PTPRN2: variants seen among roughly 807,000 people sequenced by gnomAD.
PTPRN2 encodes the protein receptor-type tyrosine-protein phosphatase N2.
In PTPRN2, 74 loss-of-function variants were observed where a neutral mutation model predicts 118.8. The observed-to-expected ratio is 0.62, with a 90% confidence interval of 0.52 to 0.76. The LOEUF is 0.76. PTPRN2 is among the 30% of genes least tolerant of loss of function. The pLI is 0.00. For missense variants in PTPRN2, 1,481 were observed against 1,394.4 expected (o/e 1.06, Z -0.99); for synonymous variants, 641 against 608.0 (o/e 1.05, Z -0.80).
intron 10 of PTPRN2, among the ~76,000 whole-genome samples, chr7:158,089,847 A>G (rs1453673675): frequency 1.6e-5 from 2 of 121,872 alleles, no homozygotes; most frequent in African/African-American, 5.8e-5. Context: ...CCCTGATGAA[A>G]GAGGGAGTCT....
chr7:158,210,040 G>A (rs1282260406), intron 3 of PTPRN2, among the ~76,000 whole-genome samples: 1 of 151,412 alleles, frequency 6.6e-6, no homozygotes, highest in Non-Finnish European at 1.5e-5. Flanking sequence ...CCTGTGGGAT[G>A]CAGCAAAAGC....
Position 157,629,591 on chromosome 7 carries a change from G to A in PTPRN2, c.2197-8082C>T, listed in dbSNP as rs965685062. 2.0e-5 allele frequency among the ~76,000 whole-genome samples: 3 copies of A among 151,206 alleles called. No homozygotes were observed. Among genetic ancestry groups the A allele is most frequent in the South Asian group, 2.1e-4 (1 of 4,732 alleles). On this transcript the variant is annotated intron_variant, in intron 14 of 22. Transcript: ENST00000389418. This position sits in a 1 kb window ranked among gnomAD's most constrained non-coding sequence, Gnocchi z 4.4. ...TGAGTCCCCACGGATGACTGGAGGC[G>A]CCCATCATCACTCCGTGGGTCTTCG... is the stretch of plus-strand genomic sequence containing the variant.
At chr7:157,949,881 C>T (rs4716510) in intron 11 of PTPRN2, among the ~76,000 whole-genome samples, 79,534 of 152,044 alleles carry the variant, frequency 0.52, 21,681 homozygotes, top group East Asian at 0.66. Flanking sequence ...GGGCAAGTTC[C>T]GAGGCTCCTC....
At chr7:157,946,287 A>G (rs920599967) in intron 11 of PTPRN2, among the ~76,000 whole-genome samples, 1 of 129,238 alleles carries the variant, frequency 7.7e-6, no homozygotes, top group East Asian at 2.0e-4. Context: ...AGAAGACACT[A>G]AAAAAAAAAA....
chr7:158,465,901 C>T (rs112561183), intron 2 of PTPRN2, among the ~76,000 whole-genome samples: 7,705 of 152,246 alleles, frequency 0.051, 239 homozygotes, highest in Non-Finnish European at 0.073. Context: ...CCTGGGGACC[C>T]GCAGTCACAC....
chr7:157,651,257 G>A lies in PTPRN2; in HGVS notation c.2196+5100C>T, dbSNP rs374995562. On this transcript the variant is annotated intron_variant, in intron 14 of 22. Transcript: ENST00000389418. ...TCGTTTTTCACGTCTCTGTCACTGC[G>A]CTTGGTTTTAATGTCGTCATCTGTG... 9.9e-5 allele frequency among the ~76,000 whole-genome samples: 15 copies of A among 152,254 alleles called. 1 individual carries two copies. In the South Asian group the frequency reaches 1.9e-3, roughly 19 times the overall value.
intron 2 of PTPRN2, among the ~76,000 whole-genome samples, chr7:158,373,265 C>T (rs779744315): frequency 1.3e-5 from 2 of 152,216 alleles, no homozygotes; most frequent in Non-Finnish European, 2.9e-5. Context: ...ACCTCGGGGC[C>T]CGGCCTATTC....
chr7:158,539,551 T>C (rs1474858244), intron 1 of PTPRN2: 1 of 158,478 alleles, frequency 6.3e-6, no homozygotes. Context: ...GGTCCTGGTG[T>C]GGGTTCAGCC....
At chr7:158,222,374 C>A (rs1269423137) in intron 3 of PTPRN2, among the ~76,000 whole-genome samples, 4 of 152,154 alleles carry the variant, frequency 2.6e-5, no homozygotes, top group African/African-American at 9.7e-5. Context: ...TACACATACA[C>A]CATGGAATAC....
intron 12 of PTPRN2, among the ~76,000 whole-genome samples, chr7:157,833,531 C>A (rs117357326): frequency 8.0e-6 from 1 of 124,550 alleles, no homozygotes; most frequent in Non-Finnish European, 1.7e-5. Flanking sequence ...TCCTGTATGA[C>A]GGTGAATTTG....
chr7:157,862,264 G>A (rs1810297395), intron 12 of PTPRN2, among the ~76,000 whole-genome samples: 2 of 152,252 alleles, frequency 1.3e-5, no homozygotes, highest in South Asian at 4.1e-4. Flanking sequence ...CTGAGCTGCC[G>A]AGGTCCAGGA....
At chr7:157,842,359 C>A (rs908397303) in intron 12 of PTPRN2, among the ~76,000 whole-genome samples, 7 of 145,600 alleles carry the variant, frequency 4.8e-5, no homozygotes, top group African/African-American at 1.8e-4. Flanking sequence ...ATTTAAAGTG[C>A]AAATGGTACA....
chr7:158,359,285 C>T (rs896773), intron 2 of PTPRN2, among the ~76,000 whole-genome samples: 146,833 of 152,360 alleles, frequency 0.96, 70,810 homozygotes, highest in African/African-American at 0.99. Context: ...CTGATTTGAA[C>T]AGGATCAGAC....
chr7:158,505,902 G>A (rs1822711849), intron 1 of PTPRN2, among the ~76,000 whole-genome samples: 1 of 152,250 alleles, frequency 6.6e-6, no homozygotes, highest in Non-Finnish European at 1.5e-5. Flanking sequence ...AGTGGTGGCT[G>A]TTAACAACAC....
At chr7:158,560,900 G>A (rs1030424373) in intron 1 of PTPRN2, among the ~76,000 whole-genome samples, 4 of 152,242 alleles carry the variant, frequency 2.6e-5, no homozygotes, top group African/African-American at 9.6e-5. Flanking sequence ...TTGCATCGAA[G>A]AGAAATCTTG....
At chr7:157,543,211 G>T (rs1444450141) in intron 22 of PTPRN2, among the ~76,000 whole-genome samples, 2 of 152,232 alleles carry the variant, frequency 1.3e-5, no homozygotes, top group African/African-American at 4.8e-5. Flanking sequence ...GGGGTGCAAA[G>T]CCTCCTGGGT....
At chr7:158,326,727 C>T (rs1459991863) in intron 2 of PTPRN2, among the ~76,000 whole-genome samples, 1 of 150,964 alleles carries the variant, frequency 6.6e-6, no homozygotes, top group Non-Finnish European at 1.5e-5. Context: ...CACATGCATA[C>T]ATTCTCACAC....
intron 11 of PTPRN2, among the ~76,000 whole-genome samples, chr7:157,920,344 G>T (rs757628141): frequency 3.9e-5 from 6 of 152,156 alleles, no homozygotes; most frequent in African/African-American, 1.4e-4. Flanking sequence ...AAACTTTGAG[G>T]AATAAAAGAT....
intron 10 of PTPRN2, among the ~76,000 whole-genome samples, chr7:158,106,939 G>C (rs949670491): frequency 1.1e-4 from 16 of 152,174 alleles, no homozygotes; most frequent in African/African-American, 3.9e-4. Context: ...AGCTCTTTCA[G>C]GTCTTGGGAG....
Sources: allele counts gnomAD v4.1 joint callset (sites outside exome capture counted in the v4.1 genomes callset), GRCh38; gene constraint gnomAD v4.1.1; non-coding constraint Gnocchi (gnomAD v3.1); transcripts MANE v1.5; gene names NCBI Gene and HGNC (gene_info 2026-07-23, HGNC 2026-07-21).